Variants in TLE4 observed in about 807,000 individuals in gnomAD.
The protein encoded by TLE4 is transducin-like enhancer protein 4.
TLE4 carries 8 observed loss-of-function variants against 92.8 expected under a neutral mutation model. The observed-to-expected ratio is 0.09, with a 90% CI of 0.05 to 0.16. The LOEUF is 0.16. TLE4 is among the 10% of genes least tolerant of loss of function. The pLI, the probability that TLE4 is intolerant of heterozygous loss-of-function variation, is 1.00. For synonymous variants in TLE4, 371 were observed against 374.1 expected (o/e 0.99, Z 0.10); for missense variants, 675 against 997.6 (o/e 0.68, Z 4.36).
chr9:79,713,868 T>A (rs1259534449), intron 14 of TLE4, among the ~76,000 whole-genome samples: 3 of 152,050 alleles, frequency 2.0e-5, no homozygotes, highest in Non-Finnish European at 4.4e-5. Context: ...TTGTTGTTGT[T>A]GTTGTTGTTG....
At chr9:79,607,541 A>AT (rs1445616311) in intron 4 of TLE4, among the ~76,000 whole-genome samples, 1 of 152,068 alleles carries the variant, frequency 6.6e-6, no homozygotes, top group Non-Finnish European at 1.5e-5. Flanking sequence ...TCTTGAGTTA[A>AT]TTTTTATGTA....
At chr9:79,616,759 A>G (rs767793283) in intron 5 of TLE4, among the ~76,000 whole-genome samples, 6 of 152,074 alleles carry the variant, frequency 3.9e-5, no homozygotes, top group Non-Finnish European at 8.8e-5. Flanking sequence ...TCCATCCCCC[A>G]ATTCCAGGAA....
chr9:79,649,273 C>G (rs1264069889), intron 6 of TLE4, among the ~76,000 whole-genome samples: 3 of 10,602 alleles, frequency 2.8e-4, no homozygotes, highest in African/African-American at 5.4e-4. Context: ...TACATACATA[C>G]ACACACACAC....
intron 14 of TLE4, among the ~76,000 whole-genome samples, chr9:79,710,951 T>A (rs1335625038): frequency 6.6e-6 from 1 of 152,212 alleles, no homozygotes; most frequent in Non-Finnish European, 1.5e-5. Context: ...TGCTGATTTC[T>A]TTCTTCTCGG....
At chr9:79,692,759 A>C (rs1588317196) in intron 8 of TLE4, among the ~76,000 whole-genome samples, 2 of 152,068 alleles carry the variant, frequency 1.3e-5, no homozygotes, top group Non-Finnish European at 2.9e-5. Context: ...CTCTAGGCCT[A>C]TTTTATAAGG....
intron 8 of TLE4, among the ~76,000 whole-genome samples, chr9:79,694,202 G>A (rs1464157088): frequency 6.6e-6 from 1 of 152,166 alleles, no homozygotes; most frequent in Admixed American, 6.5e-5. Context: ...AAACAGGAGC[G>A]ATAGACCAGG....
In TLE4 at chr9:79,573,182, C is replaced by T. The variant is rs901353144; in HGVS notation, c.45+347C>T. ...CGCGCCCGGGCGGGGAGGGCGCCCTCGGCAGCGGCGCTGCTGGGCTGGCTG... is the reference window on the plus strand; with the variant it reads ...CGCGCCCGGGCGGGGAGGGCGCCCTTGGCAGCGGCGCTGCTGGGCTGGCTG... On this transcript the variant is annotated intron_variant, in intron 1 of 19. Transcript: ENST00000376552. The T allele has an allele frequency of 3.6e-5, 34 of 950,816 alleles. 1 individual carries two copies. The South Asian group carries it at 1.3e-3, about 37-fold the overall frequency. The allele number at this position is 950,816 out of a possible 1,614,324, so 58.9% of individuals were successfully genotyped here.
At chr9:79,651,378 T>C (rs1272498145) in intron 6 of TLE4, among the ~76,000 whole-genome samples, 1 of 152,176 alleles carries the variant, frequency 6.6e-6, no homozygotes, top group East Asian at 1.9e-4. Flanking sequence ...CCGCGGTTCC[T>C]GTAGCAGAGT....
In TLE4 at chr9:79,576,242, G is replaced by C. The variant is rs773110279; in HGVS notation, c.252+65G>C. 4 of 1,261,184 alleles carry C rather than the reference G, an allele frequency of 3.2e-6. No individual in the cohort carries two copies. In the Admixed American group the frequency reaches 6.5e-5, roughly 20 times the overall value. The allele number at this position is 1,261,184 out of a possible 1,614,324, so 78.1% of individuals were successfully genotyped here. Reference sequence around the variant, plus strand: ...ACTGGGACACTATGAAAAGAAAATTGTATGTTTTGCAGTTTTATTCTGCAA... The same window carrying C: ...ACTGGGACACTATGAAAAGAAAATTCTATGTTTTGCAGTTTTATTCTGCAA... On this transcript the variant is annotated intron_variant, in intron 4 of 19. Coordinates refer to ENST00000376552, the MANE Select transcript of TLE4 (RefSeq NM_007005.6).
In TLE4 at chr9:79,652,746, C is replaced by T; in HGVS notation, c.544C>T (p.Leu182Phe). 1 of 1,614,162 alleles carries T rather than the reference C, an allele frequency of 6.2e-7. No homozygotes were observed. Among genetic ancestry groups the T allele is most frequent in the African/African-American group, 1.3e-5 (1 of 75,030 alleles). The change falls in exon 7 of 20, where the codon CTT becomes TTT. Residue 182 changes from leucine (L) to phenylalanine (F), a missense_variant. Physicochemically the swap from Leu to Phe is conservative, Grantham distance 22. This residue lies in a region of TLE4 where 280 missense variants were observed against 287.3 expected (regional missense o/e 0.97). Coordinates refer to ENST00000376552, the MANE Select transcript of TLE4 (RefSeq NM_007005.6). ...CAGTGCTCTAGGAGGTCAGTCCCAT[C>T]TTCCAATTAAAGATGAGAAGAAGCA... ...LSSALGGQSH[L>F]PIKDEKKHHD...
chr9:79,691,853 G>A (rs999353604), intron 8 of TLE4, among the ~76,000 whole-genome samples: 3 of 152,064 alleles, frequency 2.0e-5, no homozygotes, highest in Admixed American at 1.3e-4. Flanking sequence ...ATTGCCATTC[G>A]CATTTATTTT....
intron 8 of TLE4, among the ~76,000 whole-genome samples, chr9:79,683,285 TC>T (rs1162134950): frequency 6.6e-6 from 1 of 152,220 alleles, no homozygotes; most frequent in African/African-American, 2.4e-5. Flanking sequence ...CATTCAGGGC[TC>T]ATAGTTACTT....
At chr9:79,684,957 C>T (rs1179252382) in intron 8 of TLE4, among the ~76,000 whole-genome samples, 2 of 152,152 alleles carry the variant, frequency 1.3e-5, no homozygotes, top group Admixed American at 1.3e-4. Flanking sequence ...AAAGTCTGCC[C>T]AAGTGGTGAC....
chr9:79,699,261 G>A (rs893197375), intron 8 of TLE4, among the ~76,000 whole-genome samples: 1 of 152,058 alleles, frequency 6.6e-6, no homozygotes, highest in African/African-American at 2.4e-5. Flanking sequence ...TTTGGTTATG[G>A]CATCAGTAAA....
At chr9:79,642,655 T>G (rs17082595) in intron 6 of TLE4, among the ~76,000 whole-genome samples, 3,546 of 152,176 alleles carry the variant, frequency 0.023, 138 homozygotes, top group African/African-American at 0.078. Context: ...TTTTGGCCAA[T>G]TCATAAAATA....
intron 8 of TLE4, among the ~76,000 whole-genome samples, chr9:79,670,465 C>G (rs2062117406): frequency 6.6e-6 from 1 of 152,172 alleles, no homozygotes; most frequent in South Asian, 2.1e-4. Context: ...TGTAAAAGAC[C>G]TGTTTTACAG....
At chr9:79,605,485 A>T (rs2046598640) in intron 4 of TLE4, among the ~76,000 whole-genome samples, 1 of 152,158 alleles carries the variant, frequency 6.6e-6, no homozygotes, top group Admixed American at 6.6e-5. Flanking sequence ...AGAGCCCAGA[A>T]TATGCATGTA....
chr9:79,580,716 T>C (rs75533844), intron 4 of TLE4, among the ~76,000 whole-genome samples: 1 of 139,924 alleles, frequency 7.1e-6, no homozygotes, highest in Admixed American at 7.1e-5. Flanking sequence ...ACCCAGTGCC[T>C]TTTTTTTTTT....
At chr9:79,672,752 T>A (rs1248698257) in intron 8 of TLE4, among the ~76,000 whole-genome samples, 1 of 152,198 alleles carries the variant, frequency 6.6e-6, no homozygotes, top group Non-Finnish European at 1.5e-5. Context: ...CACATTTCTC[T>A]GTTTATCAGA....
Sources: allele counts gnomAD v4.1 joint callset (sites outside exome capture counted in the v4.1 genomes callset), GRCh38; gene constraint gnomAD v4.1.1; regional missense constraint gnomAD v4.1.1; transcripts MANE v1.5; gene names NCBI Gene and HGNC (gene_info 2026-07-23, HGNC 2026-07-21).